CTNNA2: variants seen among roughly 807,000 people sequenced by gnomAD.
CTNNA2 encodes the protein catenin alpha 2, also known as catenin alpha-2.
A neutral mutation model predicts 101.0 loss-of-function variants in CTNNA2; 42 were observed. That is an observed-to-expected ratio of 0.42 (90% CI 0.32 to 0.54). The LOEUF is 0.54. Ranked by LOEUF, CTNNA2 falls within the 20% of genes least tolerant of loss-of-function variation. CTNNA2 has a pLI of 0.14. For missense variants in CTNNA2, 871 were observed against 1,223.1 expected, an observed-to-expected ratio of 0.71 and a Z score of 4.29; for synonymous variants, 450 against 456.4, an observed-to-expected ratio of 0.99 and a Z score of 0.18.
chr2:80,585,705 A>G (rs943627959), intron 14 of CTNNA2, among the ~76,000 whole-genome samples: 1 of 152,188 alleles, frequency 6.6e-6, no homozygotes. Flanking sequence ...TACATTGATA[A>G]GACCTAATTA....
chr2:80,219,733 A>G (rs1455773329), intron 7 of CTNNA2, among the ~76,000 whole-genome samples: 1 of 152,198 alleles, frequency 6.6e-6, no homozygotes, highest in Non-Finnish European at 1.5e-5. Context: ...GAAAAATTAA[A>G]TATATAACAA....
intron 7 of CTNNA2, among the ~76,000 whole-genome samples, chr2:80,024,364 C>T (rs1004462713): frequency 6.6e-6 from 1 of 152,082 alleles, no homozygotes; most frequent in Non-Finnish European, 1.5e-5. Context: ...TTAGAACAGG[C>T]TTATTGGGAA....
intron 7 of CTNNA2, among the ~76,000 whole-genome samples, chr2:80,241,277 AC>A (rs148250225): frequency 0.021 from 3,173 of 151,728 alleles, 112 homozygotes; most frequent in African/African-American, 0.072. Context: ...TTACTCAGTG[AC>A]CAGGAAAATT....
chr2:80,410,281 A>C (rs1480032473), intron 8 of CTNNA2, among the ~76,000 whole-genome samples: 1 of 152,166 alleles, frequency 6.6e-6, no homozygotes, highest in African/African-American at 2.4e-5. Context: ...CTATTCTTTC[A>C]CGACTGTGTG....
intron 7 of CTNNA2, among the ~76,000 whole-genome samples, chr2:80,326,260 A>G (rs942052863): frequency 1.3e-5 from 2 of 152,334 alleles, no homozygotes; most frequent in South Asian, 4.1e-4. Flanking sequence ...AAAAACTGCC[A>G]TGCTGAAATA....
intron 18 of CTNNA2, among the ~76,000 whole-genome samples, chr2:80,625,106 A>G (rs539311914): frequency 6.6e-6 from 1 of 152,118 alleles, no homozygotes; most frequent in East Asian, 1.9e-4. Flanking sequence ...ATATAAGTTA[A>G]ATAATGTTAA....
intron 7 of CTNNA2, among the ~76,000 whole-genome samples, chr2:80,280,725 T>C (rs1674315618): frequency 6.6e-6 from 1 of 152,140 alleles, no homozygotes; most frequent in Non-Finnish European, 1.5e-5. Flanking sequence ...AATTGTATGC[T>C]ATTCTGAGGA....
chr2:79,860,169 C>T (rs1346384947), intron 4 of CTNNA2, among the ~76,000 whole-genome samples: 2 of 152,146 alleles, frequency 1.3e-5, no homozygotes, highest in Admixed American at 6.5e-5. Context: ...AGTTAGTCTC[C>T]GAAGGCGATA....
intron 18 of CTNNA2, among the ~76,000 whole-genome samples, chr2:80,637,945 C>T (rs1482639843): frequency 6.6e-6 from 1 of 152,144 alleles, no homozygotes; most frequent in Non-Finnish European, 1.5e-5. Context: ...TACTTAGCAG[C>T]AGATACCATG....
At chr2:80,014,202 C>A (rs967749141) in intron 7 of CTNNA2, among the ~76,000 whole-genome samples, 6 of 151,950 alleles carry the variant, frequency 3.9e-5, no homozygotes, top group Admixed American at 3.3e-4. Flanking sequence ...AAATTTAATT[C>A]TTTTAATAAT....
intron 2 of CTNNA2, among the ~76,000 whole-genome samples, chr2:79,677,739 G>A (rs1258117057): frequency 6.6e-6 from 1 of 152,084 alleles, no homozygotes; most frequent in African/African-American, 2.4e-5. Flanking sequence ...AAATATCTTT[G>A]CCATGTGATT....
intron 7 of CTNNA2, among the ~76,000 whole-genome samples, chr2:80,378,312 C>T (rs961917377): frequency 1.3e-5 from 2 of 151,252 alleles, no homozygotes; most frequent in African/African-American, 4.9e-5. Context: ...GCAGAGATTG[C>T]GCCATTGTAC....
intron 7 of CTNNA2, among the ~76,000 whole-genome samples, chr2:80,261,155 A>G (rs1838254): frequency 0.014 from 2,116 of 152,350 alleles, 20 homozygotes; most frequent in Non-Finnish European, 0.021. Flanking sequence ...CGGTTCATAC[A>G]TAAATATGGC....
chr2:79,595,766 C>G (rs1273042515), intron 1 of CTNNA2, among the ~76,000 whole-genome samples: 1 of 152,000 alleles, frequency 6.6e-6, no homozygotes, highest in Non-Finnish European at 1.5e-5. Context: ...TCACCTACTA[C>G]TTAATCTATA....
At chr2:79,338,632 T>C (rs1442981618) in intron 3 of CTNNA2, among the ~76,000 whole-genome samples, 4 of 149,838 alleles carry the variant, frequency 2.7e-5, no homozygotes, top group Admixed American at 6.6e-5. Flanking sequence ...CTTCTTCTTC[T>C]TCTTCTTCTT....
chr2:79,626,755 G>A (rs1449731290), intron 1 of CTNNA2, among the ~76,000 whole-genome samples: 2 of 151,782 alleles, frequency 1.3e-5, no homozygotes, highest in Non-Finnish European at 2.9e-5. Flanking sequence ...AGGAATTGCT[G>A]AAGGGTTTTA....
At position 79,909,731 on chromosome 2, in the gene CTNNA2, G is replaced by T. The variant is rs1262697787; in HGVS notation, c.990G>T (p.Arg330Ser). ...SSCTRDDRRE[R>S]IVAECNAVRQ... Reference sequence around the variant, plus strand: ...GCACGCGAGACGACCGGCGCGAGAGGATCGTGGCGGAGTGCAACGCCGTGC... The same window carrying T: ...GCACGCGAGACGACCGGCGCGAGAGTATCGTGGCGGAGTGCAACGCCGTGC... Residue 330 changes from arginine to serine, a missense_variant, in exon 7 of 19, where the codon AGG becomes AGT. Transcript: ENST00000402739. 6.2e-7 allele frequency: 1 copy of T among 1,613,734 alleles called. No individual in the cohort carries two copies. Among genetic ancestry groups the T allele is most frequent in the African/African-American group, 1.3e-5 (1 of 74,944 alleles).
chr2:80,223,748 G>A (rs1708710760), intron 7 of CTNNA2, among the ~76,000 whole-genome samples: 1 of 152,086 alleles, frequency 6.6e-6, no homozygotes, highest in Non-Finnish European at 1.5e-5. Context: ...AATGAACTAG[G>A]CTCCCATCTA....
chr2:80,374,678 CGTGCGTGTGTGT>C (rs1193858370), intron 7 of CTNNA2, among the ~76,000 whole-genome samples: 27 of 143,148 alleles, frequency 1.9e-4, no homozygotes, highest in Non-Finnish European at 3.2e-4. Flanking sequence ...TGCGTGCGTG[CGTGCGTGTGTGT>C]GTGTGTGTGT....
Sources: gnomAD v4.1 joint callset for allele counts (sites outside exome capture counted in the v4.1 genomes callset) on GRCh38, gnomAD v4.1.1 for gene constraint, MANE v1.5 for transcripts, NCBI Gene and HGNC (gene_info 2026-07-23, HGNC 2026-07-21) for gene names.